ABI3BP: variants seen among roughly 807,000 people sequenced by gnomAD.
The protein encoded by ABI3BP is target of Nesh-SH3.
Under a neutral mutation model 268.6 loss-of-function variants are expected in ABI3BP, and 216 were observed. The observed-to-expected ratio is 0.80, with a 90% CI of 0.72 to 0.90. The LOEUF (loss-of-function observed/expected upper bound fraction) is 0.90. ABI3BP is among the 40% of genes least tolerant of loss of function. The pLI, the probability that ABI3BP is intolerant of heterozygous loss-of-function variation, is 0.00. For missense variants in ABI3BP, 2,090 were observed against 2,182.4 expected (o/e 0.96, Z 0.84); for synonymous variants, 730 against 730.0 (o/e 1.00, Z 0.00).
At chr3:100,904,808 T>A (rs1160170364) in intron 2 of ABI3BP, among the ~76,000 whole-genome samples, 1 of 152,208 alleles carries the variant, frequency 6.6e-6, no homozygotes, top group African/African-American at 2.4e-5. Context: ...TTTACACTGT[T>A]GGTGGGACTG....
chr3:100,821,754 C>G (rs1028818220), intron 38 of ABI3BP, among the ~76,000 whole-genome samples: 3 of 151,868 alleles, frequency 2.0e-5, no homozygotes, highest in Admixed American at 6.6e-5. Context: ...AGGCACCCAC[C>G]ACCATGCCCA....
chr3:100,825,401 C>T (rs2152727178), intron 35 of ABI3BP, among the ~76,000 whole-genome samples: 1 of 151,078 alleles, frequency 6.6e-6, no homozygotes, highest in East Asian at 1.9e-4. Flanking sequence ...AATCTAGAAA[C>T]TCAGATGTGC....
chr3:100,876,448 G>T, intron 7 of ABI3BP, 64 bp downstream of exon 7: 1 of 1,385,204 alleles, frequency 7.2e-7, no homozygotes, highest in South Asian at 1.3e-5. Context: ...TGCCGTGTTT[G>T]ATTACCTTAG....
In ABI3BP at chr3:100,770,968, C is replaced by A; in HGVS notation, c.4532-16G>T. On this transcript the variant is annotated splice_polypyrimidine_tract_variant and intron_variant, in intron 61 of 67. Transcript: ENST00000471714. ...ACATGAGGTCCTACGAGAGAGAGGA[C>A]CCTTGACATTTAACATTTTTGAAAC... 2.7e-6 allele frequency: 4 copies of A among 1,495,820 alleles called. No homozygotes were observed. Among genetic ancestry groups the A allele is most frequent in the Non-Finnish European group, 3.6e-6 (4 of 1,117,678 alleles). 92.7% of individuals were successfully genotyped at this position (1,495,820 alleles called of 1,614,324 possible).
intron 19 of ABI3BP, among the ~76,000 whole-genome samples, chr3:100,846,957 T>A (rs1446028147): frequency 6.6e-6 from 1 of 152,196 alleles, no homozygotes; most frequent in Non-Finnish European, 1.5e-5. Context: ...ACCAGCTATA[T>A]TTTTATCAGC....
chr3:100,847,538 T>C, intron 19 of ABI3BP, 64 bp downstream of exon 19: 1 of 1,353,284 alleles, frequency 7.4e-7, no homozygotes, highest in African/African-American at 1.4e-5. Flanking sequence ...ACATAAAAGC[T>C]GGGGTACTGG....
At chr3:100,807,899 T>A (rs951454936) in intron 50 of ABI3BP, among the ~76,000 whole-genome samples, 1 of 152,048 alleles carries the variant, frequency 6.6e-6, no homozygotes, top group African/African-American at 2.4e-5. Flanking sequence ...AGGCAGGCTA[T>A]TCTTTTTAAG....
intron 54 of ABI3BP, among the ~76,000 whole-genome samples, chr3:100,794,057 A>G (rs1330720953): frequency 6.6e-6 from 1 of 152,012 alleles, no homozygotes; most frequent in African/African-American, 2.4e-5. Context: ...TCTGTCCGTA[A>G]CTTCAAAGAA....
intron 11 of ABI3BP, chr3:100,864,590 T>G (rs180826323): frequency 4.1e-6 from 2 of 482,706 alleles, no homozygotes; most frequent in Admixed American, 7.5e-5. Flanking sequence ...AAAAGGGCAT[T>G]TAGTTAGCAA....
intron 66 of ABI3BP, 28 bp downstream of exon 66, chr3:100,752,759 T>A: frequency 6.2e-7 from 1 of 1,607,952 alleles, no homozygotes; most frequent in Non-Finnish European, 8.5e-7. Context: ...AGTTAAGGGC[T>A]GAAAACAGAG....
intron 6 of ABI3BP, among the ~76,000 whole-genome samples, chr3:100,880,777 C>A (rs2099220840): frequency 6.6e-6 from 1 of 152,152 alleles, no homozygotes; most frequent in Non-Finnish European, 1.5e-5. Flanking sequence ...TAACTTCCTC[C>A]TGATAATATA....
chr3:100,940,731 CAGCTACAAACACTTTGGACATGGTA>C (rs2068604152), intron 1 of ABI3BP, among the ~76,000 whole-genome samples: 1 of 132,742 alleles, frequency 7.5e-6, no homozygotes, highest in Admixed American at 8.3e-5. Flanking sequence ...GATAGGAACT[CAGCTACAAACACTTTGGACATGGTA>C]ATCCCTCATT....
rs1026932421 is a variant in ABI3BP, at chr3:100,754,646, C to T, written c.4896G>A (p.Pro1632=). ...TACTGAATGCCACTGTGTTGCTGAC[C>T]GGGCCTTCACCAAGCGGGTTTTTGG... ...VKPKNPLGEG[P]VSNTVAFSTE... Residue 1632 remains proline (P), a synonymous_variant, in exon 64 of 68, where the codon CCG becomes CCA. Transcript: ENST00000471714. The T allele has an allele frequency of 1.7e-5, 27 of 1,592,322 alleles. No individual in the cohort carries two copies. The highest frequency in any genetic ancestry group is 6.7e-5 in the African/African-American group (5 of 74,706).
At chr3:100,834,958 G>C (rs1470309274) in intron 28 of ABI3BP, among the ~76,000 whole-genome samples, 185 bp from the exon 29 acceptor site, 1 of 152,056 alleles carries the variant, frequency 6.6e-6, no homozygotes, top group Non-Finnish European at 1.5e-5. Context: ...GGTCTTTTGA[G>C]ACAGATGGAA....
chr3:100,987,192 G>A (rs1401747183), intron 1 of ABI3BP, among the ~76,000 whole-genome samples: 1 of 152,052 alleles, frequency 6.6e-6, no homozygotes, highest in African/African-American at 2.4e-5. Flanking sequence ...TTTTCTGAGG[G>A]TGGTGATCCA....
chr3:100,899,256 TAC>T (rs1178777326), intron 3 of ABI3BP, among the ~76,000 whole-genome samples: 1 of 152,224 alleles, frequency 6.6e-6, no homozygotes, highest in African/African-American at 2.4e-5. Context: ...CAAACACACA[TAC>T]ACACACTTAA....
chr3:100,851,746 C>T (rs1486598462), intron 15 of ABI3BP, 129 bp downstream of exon 15: 1 of 713,778 alleles, frequency 1.4e-6, no homozygotes, highest in African/African-American at 1.8e-5. Flanking sequence ...AACTCCCTGA[C>T]ACAGGTAGAA....
chr3:100,859,456 A>G (rs555689661), intron 14 of ABI3BP, among the ~76,000 whole-genome samples: 1 of 152,200 alleles, frequency 6.6e-6, no homozygotes, highest in Non-Finnish European at 1.5e-5. Context: ...TTTAAACACT[A>G]TCTCTACCTG....
intron 24 of ABI3BP, among the ~76,000 whole-genome samples, chr3:100,839,103 C>G (rs2098653840): frequency 6.6e-6 from 1 of 152,124 alleles, no homozygotes; most frequent in Non-Finnish European, 1.5e-5. Flanking sequence ...CATACCTATT[C>G]AAAAACATTT....
Sources: allele counts gnomAD v4.1 joint callset (sites outside exome capture counted in the v4.1 genomes callset), GRCh38; gene constraint gnomAD v4.1.1; transcripts MANE v1.5; gene names NCBI Gene and HGNC (gene_info 2026-07-23, HGNC 2026-07-21).